DROSHA: variants seen among roughly 807,000 people sequenced by gnomAD.
DROSHA encodes the protein ribonuclease 3.
In DROSHA, 56 loss-of-function variants were observed where a neutral mutation model predicts 181.9. The observed-to-expected ratio is 0.31, with a 90% CI of 0.25 to 0.38. DROSHA has a LOEUF of 0.38. DROSHA is among the 10% of genes least tolerant of loss of function. The pLI, the probability that DROSHA is intolerant of heterozygous loss-of-function variation, is 1.00. For synonymous variants in DROSHA, 524 were observed against 591.2 expected, an observed-to-expected ratio of 0.89 and a Z score of 1.65; for missense variants, 1,218 against 1,743.5, an observed-to-expected ratio of 0.70 and a Z score of 5.37.
intron 25 of DROSHA, among the ~76,000 whole-genome samples, chr5:31,432,717 T>C (rs1327889547): frequency 6.6e-6 from 1 of 152,136 alleles, no homozygotes; most frequent in African/African-American, 2.4e-5. Context: ...TGTAGCCCAG[T>C]TGTAGGTGTA....
chr5:31,449,951 C>T (rs755302115), intron 21 of DROSHA, among the ~76,000 whole-genome samples: 6 of 151,860 alleles, frequency 4.0e-5, no homozygotes, highest in Non-Finnish European at 8.8e-5. Context: ...GGAACTAAAA[C>T]AAATCAGCAA....
intron 25 of DROSHA, 142 bp downstream of exon 25, chr5:31,435,623 C>T (rs1744692961): frequency 2.7e-6 from 2 of 739,622 alleles, no homozygotes; most frequent in Non-Finnish European, 4.3e-6. Flanking sequence ...CCTTAAAACC[C>T]AACAAAAAAT....
intron 23 of DROSHA, among the ~76,000 whole-genome samples, chr5:31,446,184 C>T (rs189698405): frequency 2.6e-5 from 4 of 152,208 alleles, no homozygotes; most frequent in East Asian, 1.9e-4. Context: ...TGGTGGCTCA[C>T]GCCTGTAATC....
chr5:31,450,394 G>A (rs1011720660), intron 21 of DROSHA, among the ~76,000 whole-genome samples: 1 of 152,128 alleles, frequency 6.6e-6, no homozygotes, highest in Non-Finnish European at 1.5e-5. Context: ...GCTTATTGCA[G>A]CACAATTCAC....
At chr5:31,412,442 A>G (rs887560239) in intron 30 of DROSHA, among the ~76,000 whole-genome samples, 1 of 152,230 alleles carries the variant, frequency 6.6e-6, no homozygotes, top group Non-Finnish European at 1.5e-5. Context: ...TATTAGATGC[A>G]AGTTTTATGC....
chr5:31,424,353 A>G (rs1438447654), intron 28 of DROSHA, 74 bp downstream of exon 28: 1 of 1,508,626 alleles, frequency 6.6e-7, no homozygotes, highest in East Asian at 2.5e-5. Context: ...GTGGGGAAGG[A>G]AAAAAAGGCA....
chr5:31,463,243 A>G (rs1410115096), intron 20 of DROSHA, among the ~76,000 whole-genome samples: 1 of 152,194 alleles, frequency 6.6e-6, no homozygotes, highest in East Asian at 1.9e-4. Flanking sequence ...AAATAGGGCA[A>G]TATTACACCA....
intron 17 of DROSHA, among the ~76,000 whole-genome samples, chr5:31,469,034 C>G (rs1749434871): frequency 1.3e-5 from 2 of 152,152 alleles, no homozygotes; most frequent in African/African-American, 2.4e-5. Flanking sequence ...TACCAGCCAG[C>G]CATCTGACAA....
At chr5:31,444,258 G>A (rs1745990538) in intron 23 of DROSHA, among the ~76,000 whole-genome samples, 1 of 152,140 alleles carries the variant, frequency 6.6e-6, no homozygotes, top group Non-Finnish European at 1.5e-5. Context: ...TGGCAGTCAA[G>A]GCCAAGAGGC....
chr5:31,521,969 G>A (rs1739946047), intron 5 of DROSHA, among the ~76,000 whole-genome samples: 1 of 152,082 alleles, frequency 6.6e-6, no homozygotes, highest in African/African-American at 2.4e-5. Context: ...TCCAATCTTA[G>A]AACAGGAAAA....
At chr5:31,465,821 A>G (rs1250543364) in intron 19 of DROSHA, among the ~76,000 whole-genome samples, 1 of 151,884 alleles carries the variant, frequency 6.6e-6, no homozygotes, top group Non-Finnish European at 1.5e-5. Context: ...TCCACCTTCT[A>G]CCATGATTAA....
intron 23 of DROSHA, among the ~76,000 whole-genome samples, chr5:31,443,835 G>C (rs760654359): frequency 6.6e-6 from 1 of 152,036 alleles, no homozygotes; most frequent in African/African-American, 2.4e-5. Flanking sequence ...AAATAGCCTG[G>C]GATAAAAGTA....
chr5:31,465,405 A>C (rs369295615), intron 19 of DROSHA, among the ~76,000 whole-genome samples: 1 of 152,354 alleles, frequency 6.6e-6, no homozygotes, highest in East Asian at 1.9e-4. Context: ...CCAATGGAAG[A>C]CAATCTTTTC....
intron 24 of DROSHA, among the ~76,000 whole-genome samples, chr5:31,436,758 AC>A (rs1336020647): frequency 9.9e-6 from 1 of 101,062 alleles, no homozygotes; most frequent in East Asian, 2.0e-4. Flanking sequence ...ACACACACAC[AC>A]ACACACACAC....
chr5:31,509,004 G>A (rs1309984795), intron 9 of DROSHA, among the ~76,000 whole-genome samples: 3 of 151,896 alleles, frequency 2.0e-5, no homozygotes, highest in Non-Finnish European at 2.9e-5. Context: ...TGTGTTTTTA[G>A]TAGAGACAGG....
intron 20 of DROSHA, among the ~76,000 whole-genome samples, chr5:31,457,123 CT>C (rs5867080): frequency 0.028 from 2,781 of 99,056 alleles, 83 homozygotes; most frequent in African/African-American, 0.1. Context: ...GAAATTAAGC[CT>C]TTTTTTTTTT....
At chr5:31,431,164 T>G (rs1744130932) in intron 26 of DROSHA, among the ~76,000 whole-genome samples, 1 of 152,096 alleles carries the variant, frequency 6.6e-6, no homozygotes, top group African/African-American at 2.4e-5. Flanking sequence ...CTCAAGATGT[T>G]TAAAACAGAA....
rs74370251 is a variant in DROSHA, at chr5:31,515,367, C to T, written c.1058+87G>A. On this transcript the variant is annotated intron_variant, in intron 7 of 35. Coordinates refer to ENST00000344624, the MANE Select transcript of DROSHA (RefSeq NM_001382508.1). ...GTACTTTTGTTAAACCAGTGACTCC[C>T]AAATACCAGTCTGGTGGCATCAGAA... is the stretch of plus-strand genomic sequence containing the variant. 287 of 1,046,154 alleles carry T rather than the reference C, an allele frequency of 2.7e-4. 4 individuals carry two copies. In the East Asian group the frequency reaches 7.3e-3, roughly 27 times the overall value. The allele number at this position is 1,046,154 out of a possible 1,614,324, so 64.8% of individuals were successfully genotyped here.
At chr5:31,404,938 T>C (rs1286887957) in intron 35 of DROSHA, among the ~76,000 whole-genome samples, 1 of 152,096 alleles carries the variant, frequency 6.6e-6, no homozygotes, top group Admixed American at 6.5e-5. Context: ...TCATGATACA[T>C]TATTGAGCAA....
Sources: allele counts gnomAD v4.1 joint callset (sites outside exome capture counted in the v4.1 genomes callset), GRCh38; gene constraint gnomAD v4.1.1; transcripts MANE v1.5; gene names NCBI Gene and HGNC (gene_info 2026-07-23, HGNC 2026-07-21).